PARD3: variants seen among roughly 807,000 people sequenced by gnomAD.
The protein encoded by PARD3 is partitioning defective 3 homolog.
Under a neutral mutation model 155.4 loss-of-function variants are expected in PARD3, and 75 were observed. The ratio of observed to expected loss-of-function variants is 0.48; its 90% confidence interval spans 0.40 to 0.58. PARD3 has a LOEUF of 0.58. PARD3 is among the 20% of genes least tolerant of loss of function. The probability of loss-of-function intolerance (pLI) is 0.00; values close to 1 mark genes in which losing one functional copy is unlikely to be tolerated. For synonymous variants in PARD3, 576 were observed against 610.5 expected (o/e 0.94, Z 0.83); for missense variants, 1,642 against 1,721.7 (o/e 0.95, Z 0.82).
intron 22 of PARD3, among the ~76,000 whole-genome samples, chr10:34,226,994 T>C (rs974886430): frequency 1.2e-4 from 18 of 152,090 alleles, no homozygotes; most frequent in African/African-American, 3.4e-4. Flanking sequence ...TCAAAAGCAA[T>C]TGGAACACAA....
At position 34,280,316 on chromosome 10, in the gene PARD3, G is replaced by A. The variant is rs554887055; in HGVS notation, c.3176+3819C>T. Among the ~76,000 whole-genome samples, 3 of 152,258 alleles carry A rather than the reference G, an allele frequency of 2.0e-5. No homozygotes were observed. The East Asian group carries it at 5.8e-4, about 29-fold the overall frequency. ...GTCAACTTCTTAAAAGTACATAGGTGTGGAAAATGTGTACTTTATAGGAAA... is the reference window on the plus strand; with the variant it reads ...GTCAACTTCTTAAAAGTACATAGGTATGGAAAATGTGTACTTTATAGGAAA... On this transcript the variant is annotated intron_variant, in intron 21 of 24. Transcript: ENST00000374788.
chr10:34,407,581 ACTT>A (rs1203947761), intron 5 of PARD3, among the ~76,000 whole-genome samples: 1 of 152,224 alleles, frequency 6.6e-6, no homozygotes, highest in African/African-American at 2.4e-5. Flanking sequence ...ATCAGTGGTT[ACTT>A]TTGCCTAAAA....
intron 22 of PARD3, among the ~76,000 whole-genome samples, chr10:34,215,302 T>C (rs1951950754): frequency 6.6e-6 from 1 of 152,200 alleles, no homozygotes; most frequent in Non-Finnish European, 1.5e-5. Context: ...CCATCAGTAC[T>C]GTATTTGAGG....
chr10:34,735,292 A>G (rs1004651738), intron 1 of PARD3, among the ~76,000 whole-genome samples: 1 of 152,210 alleles, frequency 6.6e-6, no homozygotes, highest in African/African-American at 2.4e-5. Context: ...AGCTGTAGAG[A>G]TGCTATAGCA....
At chr10:34,465,078 G>C (rs2077923037) in intron 4 of PARD3, among the ~76,000 whole-genome samples, 1 of 152,128 alleles carries the variant, frequency 6.6e-6, no homozygotes, top group African/African-American at 2.4e-5. Context: ...CAAAGAAAAT[G>C]CTTTGTGTAA....
intron 24 of PARD3, among the ~76,000 whole-genome samples, chr10:34,116,596 A>G (rs1459851023): frequency 6.6e-6 from 1 of 152,180 alleles, no homozygotes; most frequent in African/African-American, 2.4e-5. Context: ...GCAGGGTTCT[A>G]TGTTCCTAAT....
At chr10:34,709,281 T>A (rs1488843621) in intron 1 of PARD3, among the ~76,000 whole-genome samples, 1 of 152,242 alleles carries the variant, frequency 6.6e-6, no homozygotes, top group African/African-American at 2.4e-5. Context: ...CAAGTTTGTA[T>A]TAAGTCCAAG....
At chr10:34,367,524 T>C (rs1416226607) in intron 12 of PARD3, among the ~76,000 whole-genome samples, 3 of 152,002 alleles carry the variant, frequency 2.0e-5, no homozygotes, top group East Asian at 2.0e-4. Context: ...GCCAACATGG[T>C]GAAACCCCGT....
At chr10:34,379,377 T>C (rs1428841157) in intron 9 of PARD3, among the ~76,000 whole-genome samples, 1 of 152,120 alleles carries the variant, frequency 6.6e-6, no homozygotes, top group Non-Finnish European at 1.5e-5. Flanking sequence ...TGAAGTCACT[T>C]TAGGGTGCTT....
At chr10:34,756,562 C>G (rs958092559) in intron 1 of PARD3, among the ~76,000 whole-genome samples, 3 of 142,406 alleles carry the variant, frequency 2.1e-5, no homozygotes, top group Non-Finnish European at 4.5e-5. Context: ...CTCAAGTGAT[C>G]TTCCTGCCTC....
In PARD3 at chr10:34,239,676, G is replaced by A. The variant is rs368249546; in HGVS notation, c.3419+29981C>T. Among the ~76,000 whole-genome samples, 54 of 151,990 alleles carry A rather than the reference G, an allele frequency of 3.6e-4. 1 individual carries two copies. The highest frequency in any genetic ancestry group is 1.2e-3 in the African/African-American group (51 of 41,448). ...AAAGTAGCCGGGCATGGTGACGTGTGCCTGTGATCCCAGCTACTCAGGAGA... is the reference window on the plus strand; with the variant it reads ...AAAGTAGCCGGGCATGGTGACGTGTACCTGTGATCCCAGCTACTCAGGAGA... On this transcript the variant is annotated intron_variant, in intron 22 of 24. Transcript: ENST00000374788.
chr10:34,791,494 A>G (rs1564623476), intron 1 of PARD3, among the ~76,000 whole-genome samples: 1 of 152,182 alleles, frequency 6.6e-6, no homozygotes, highest in Admixed American at 6.5e-5. Flanking sequence ...GAGCTCCTCC[A>G]AAGGATGGCT....
At chr10:34,169,638 G>T (rs956745472) in intron 22 of PARD3, among the ~76,000 whole-genome samples, 10 of 152,134 alleles carry the variant, frequency 6.6e-5, no homozygotes, top group Non-Finnish European at 2.9e-5. Flanking sequence ...TTAAACACAC[G>T]ATGGAACAGG....
chr10:34,360,532 T>C (rs1839343388), intron 12 of PARD3, among the ~76,000 whole-genome samples: 1 of 152,190 alleles, frequency 6.6e-6, no homozygotes, highest in Non-Finnish European at 1.5e-5. Context: ...GTGGAAGGAC[T>C]AAAGACTAGT....
At chr10:34,382,965 C>A in intron 8 of PARD3, 43 bp from the exon 9 acceptor site, 1 of 1,599,280 alleles carries the variant, frequency 6.3e-7, no homozygotes, top group Non-Finnish European at 8.5e-7. Context: ...TTAAGACTGG[C>A]AGACTAGAAG....
At chr10:34,485,920 T>A (rs940003825) in intron 3 of PARD3, among the ~76,000 whole-genome samples, 3 of 116,340 alleles carry the variant, frequency 2.6e-5, no homozygotes, top group Non-Finnish European at 5.1e-5. Flanking sequence ...CGTTTTGGGT[T>A]TTTTTTTTTT....
In PARD3 at chr10:34,204,543, T is replaced by C. The variant is rs1951375277; in HGVS notation, c.3419+65114A>G. Among the ~76,000 whole-genome samples, 6 of 152,112 alleles carry C rather than the reference T, an allele frequency of 3.9e-5. No homozygotes were observed. In the South Asian group the frequency reaches 1.2e-3, roughly 32 times the overall value. On this transcript the variant is annotated intron_variant, in intron 22 of 24. Coordinates refer to ENST00000374788, the MANE Select transcript of PARD3 (RefSeq NM_001184785.2). ...CAAAACTCAGGGCCCCAATCCTCCA[T>C]ACAGCTTGTGTTCAACAGAACAGGA...
intron 22 of PARD3, among the ~76,000 whole-genome samples, chr10:34,242,626 C>T (rs1164232651): frequency 1.3e-5 from 2 of 152,300 alleles, no homozygotes; most frequent in Non-Finnish European, 2.9e-5. Flanking sequence ...ACTACCTCTC[C>T]ATGAGAAATG....
intron 2 of PARD3, among the ~76,000 whole-genome samples, chr10:34,626,612 A>T (rs933756032): frequency 6.6e-6 from 1 of 152,232 alleles, no homozygotes; most frequent in Non-Finnish European, 1.5e-5. Context: ...GTTATGACTA[A>T]AATGTAAAAT....
Sources: allele counts gnomAD v4.1 joint callset (sites outside exome capture counted in the v4.1 genomes callset), GRCh38; gene constraint gnomAD v4.1.1; transcripts MANE v1.5; gene names NCBI Gene and HGNC (gene_info 2026-07-23, HGNC 2026-07-21).